The following PRAMEF20 variants were observed in gnomAD, a reference collection of about 807,000 sequenced individuals.
PRAMEF20 encodes PRAME family member 20/21.
A neutral mutation model predicts 32.4 loss-of-function variants in PRAMEF20; 27 were observed. That is an observed-to-expected ratio of 0.83 (90% confidence interval 0.61 to 1.15). PRAMEF20 has a LOEUF of 1.15. PRAMEF20 is among the 50% of genes most tolerant of loss of function. The probability of loss-of-function intolerance (pLI) is 0.00; values close to 1 mark genes in which losing one functional copy is unlikely to be tolerated. For missense variants in PRAMEF20, 604 were observed against 584.5 expected (o/e 1.03, Z -0.34); for synonymous variants, 256 against 235.4 (o/e 1.09, Z -0.80).
chr1:13,413,411 C>T (rs971282149), upstream of PRAMEF20, among the ~76,000 whole-genome samples: 3 of 152,124 alleles, frequency 2.0e-5, no homozygotes, highest in Non-Finnish European at 2.9e-5. Flanking sequence ...ATTTCTCAGG[C>T]TGGAGTGCAG....
In PRAMEF20 at chr1:13,416,649, G is replaced by A. The variant is rs1178217828; in HGVS notation, c.287+8G>A. ...CCACAGGGTTCGTCTCAGGTGAGGT[G>A]GCCCAAGTGGGCTGGTGGGGAGGGC... On this transcript the variant is annotated splice_region_variant and intron_variant, in intron 1 of 2. Coordinates refer to ENST00000602960, the Ensembl canonical transcript of PRAMEF20. 2.5e-6 allele frequency: 4 copies of A among 1,613,904 alleles called. No homozygotes were observed. Among genetic ancestry groups the A allele is most frequent in the Non-Finnish European group, 3.4e-6 (4 of 1,179,962 alleles).
At chr1:13,416,584 C>A in exon 1 of PRAMEF20, 3 of 1,614,206 alleles carry the variant, frequency 1.9e-6, no homozygotes, top group Non-Finnish European at 2.5e-6. Context: ...TGCCCAGAGA[C>A]CTTCCAAGCT....
At chr1:13,418,589 A>G in exon 2 of PRAMEF20, 1 of 1,613,982 alleles carries the variant, frequency 6.2e-7, no homozygotes. Flanking sequence ...CCAGAGCAGA[A>G]GAAGGAGTTT....
At chr1:13,414,513 C>T (rs938397559), upstream of PRAMEF20, among the ~76,000 whole-genome samples, 1 of 152,196 alleles carries the variant, frequency 6.6e-6, no homozygotes, top group Non-Finnish European at 1.5e-5. Flanking sequence ...GGCCGGAGTG[C>T]AGTGGGGCAA....
chr1:13,420,955 C>T, exon 3 of PRAMEF20: 3 of 1,613,700 alleles, frequency 1.9e-6, no homozygotes, highest in Non-Finnish European at 2.5e-6. Context: ...CCCTGAGCCG[C>T]TGCTTTGAGC....
At chr1:13,421,033 A>G (rs1398874550) in exon 3 of PRAMEF20, 19 of 1,613,784 alleles carry the variant, frequency 1.2e-5, no homozygotes, top group Non-Finnish European at 1.6e-5. Flanking sequence ...TGTGCCACAC[A>G]ATCAGACTCA....
chr1:13,412,297 C>T (rs1447354075), upstream of PRAMEF20, among the ~76,000 whole-genome samples: 2 of 152,018 alleles, frequency 1.3e-5, no homozygotes, highest in Non-Finnish European at 2.9e-5. Flanking sequence ...GGACTGCAGG[C>T]GTGAGCCACC....
intron 2 of PRAMEF20, 64 bp downstream of exon 3, chr1:13,418,764 T>C: frequency 6.2e-7 from 1 of 1,608,398 alleles, no homozygotes; most frequent in Non-Finnish European, 8.5e-7. Flanking sequence ...ACAGGGGGCA[T>C]CTACTGTGAG....
intron 1 of PRAMEF20, among the ~76,000 whole-genome samples, chr1:13,417,551 C>T (rs1168415302): frequency 4.7e-5 from 7 of 149,836 alleles, no homozygotes; most frequent in African/African-American, 7.4e-5. Flanking sequence ...TGCAGTGAGG[C>T]GAGATTGCGC....
exon 3 of PRAMEF20, chr1:13,420,780 C>T (rs918549773): frequency 5.0e-6 from 8 of 1,613,888 alleles, no homozygotes; most frequent in South Asian, 1.1e-5. Context: ...TCCAAGTACC[C>T]GAGCATTGGT....
exon 2 of PRAMEF20, chr1:13,418,335 C>G (rs1641205432): frequency 1.2e-6 from 2 of 1,613,752 alleles, no homozygotes; most frequent in Admixed American, 1.7e-5. Flanking sequence ...TCACCTGCCT[C>G]TTTCTATGGG....
chr1:13,418,333 C>G, exon 2 of PRAMEF20: 1 of 1,613,836 alleles, frequency 6.2e-7, no homozygotes, highest in Non-Finnish European at 8.5e-7. Flanking sequence ...CTTCACCTGC[C>G]TCTTTCTATG....
At chr1:13,421,091 G>A (rs1641238439) in exon 3 of PRAMEF20, 1 of 1,613,920 alleles carries the variant, frequency 6.2e-7, no homozygotes, top group East Asian at 2.2e-5. Flanking sequence ...GAGTTATGAT[G>A]TTCGTGGTAT....
exon 3 of PRAMEF20, chr1:13,420,856 TCTC>T (rs1641235093): frequency 1.9e-6 from 3 of 1,613,704 alleles, no homozygotes; most frequent in African/African-American, 1.3e-5. Context: ...CGCTCCAAGT[TCTC>T]CTAGAAAAAG....
exon 3 of PRAMEF20, chr1:13,421,328 T>C: frequency 7.5e-6 from 12 of 1,606,298 alleles, no homozygotes; most frequent in Non-Finnish European, 1.0e-5. Context: ...ACCTAGGTCT[T>C]TTTGCGCCCA....
chr1:13,420,973 C>T, exon 3 of PRAMEF20: 1 of 1,613,760 alleles, frequency 6.2e-7, no homozygotes, highest in South Asian at 1.1e-5. Flanking sequence ...AGCTCACCAC[C>T]TTCAGCTTCC....
At chr1:13,415,157 G>A (rs1245337157), upstream of PRAMEF20, among the ~76,000 whole-genome samples, 2 of 151,138 alleles carry the variant, frequency 1.3e-5, no homozygotes, top group Non-Finnish European at 2.9e-5. Flanking sequence ...TCAGCTCACT[G>A]TAACCTCCGC....
At chr1:13,413,667 G>T (rs1167063116), upstream of PRAMEF20, among the ~76,000 whole-genome samples, 1 of 152,002 alleles carries the variant, frequency 6.6e-6, no homozygotes, top group Non-Finnish European at 1.5e-5. Context: ...GCCTAGCCAA[G>T]GTGTTTTCTG....
chr1:13,415,540 G>A (rs1641160003), upstream of PRAMEF20, among the ~76,000 whole-genome samples: 1 of 152,160 alleles, frequency 6.6e-6, no homozygotes, highest in Admixed American at 6.5e-5. Context: ...CAGCACTTTG[G>A]GAGGCCAAGG....
Sources: gnomAD v4.1 joint callset for allele counts (sites outside exome capture counted in the v4.1 genomes callset) on GRCh38, gnomAD v4.1.1 for gene constraint, MANE v1.5 for transcripts, NCBI Gene and HGNC (gene_info 2026-07-23, HGNC 2026-07-21) for gene names.